PSMD14: variants seen among roughly 807,000 people sequenced by gnomAD.
PSMD14 encodes ubiquitin C-terminal hydrolase PSMD14.
A neutral mutation model predicts 41.2 loss-of-function variants in PSMD14; 7 were observed. The observed-to-expected ratio is 0.17, with a 90% CI of 0.10 to 0.32. The LOEUF is 0.32. PSMD14 is among the 10% of genes least tolerant of loss of function. PSMD14 has a pLI of 1.00. For missense variants in PSMD14, 139 were observed against 375.6 expected (o/e 0.37, Z 5.21); for synonymous variants, 114 against 122.3 (o/e 0.93, Z 0.45).
chr2:161,358,627 T>A (rs757776897), intron 3 of PSMD14, among the ~76,000 whole-genome samples: 41 of 152,104 alleles, frequency 2.7e-4, no homozygotes, highest in Non-Finnish European at 4.7e-4. Flanking sequence ...GACTCATACG[T>A]TTTTCTCCTT....
At chr2:161,325,059 C>T (rs560429749) in intron 3 of PSMD14, among the ~76,000 whole-genome samples, 4 of 152,200 alleles carry the variant, frequency 2.6e-5, no homozygotes, top group African/African-American at 9.6e-5. Context: ...TGATTTCACA[C>T]TGTGAAATTC....
chr2:161,311,115 A>G (rs1314576866), intron 1 of PSMD14, among the ~76,000 whole-genome samples: 1 of 152,228 alleles, frequency 6.6e-6, no homozygotes, highest in African/African-American at 2.4e-5. Context: ...AGTCTGGCCA[A>G]CATGGCGAAA....
At chr2:161,310,666 C>T (rs1020086581) in intron 1 of PSMD14, among the ~76,000 whole-genome samples, 4 of 152,124 alleles carry the variant, frequency 2.6e-5, no homozygotes, top group Admixed American at 2.6e-4. Context: ...CTATAAATTG[C>T]TTTGGACGTA....
At chr2:161,359,650 G>A (rs180822753) in intron 3 of PSMD14, among the ~76,000 whole-genome samples, 39 of 152,242 alleles carry the variant, frequency 2.6e-4, no homozygotes, top group African/African-American at 8.9e-4. Flanking sequence ...TCTGTTCTCA[G>A]TGAGCATACT....
intron 3 of PSMD14, among the ~76,000 whole-genome samples, chr2:161,346,171 C>G (rs1485253730): frequency 6.6e-6 from 1 of 152,238 alleles, no homozygotes; most frequent in Non-Finnish European, 1.5e-5. Context: ...GCGTGAGCCA[C>G]CGTGCTCGGC....
At chr2:161,398,222 C>T (rs563607860) in intron 10 of PSMD14, among the ~76,000 whole-genome samples, 15 of 152,132 alleles carry the variant, frequency 9.9e-5, no homozygotes, top group South Asian at 6.2e-4. Context: ...GAAAGAAATA[C>T]GGTGGGTTTT....
At chr2:161,318,686 C>A in intron 2 of PSMD14, 136 bp from the exon 3 acceptor site, 1 of 665,720 alleles carries the variant, frequency 1.5e-6, no homozygotes, top group Admixed American at 2.7e-5. Context: ...TGTTAATTAA[C>A]AGGAAGTCTG....
chr2:161,329,103 C>A (rs1682749449), intron 3 of PSMD14, among the ~76,000 whole-genome samples: 1 of 152,008 alleles, frequency 6.6e-6, no homozygotes, highest in Admixed American at 6.5e-5. Context: ...GTAGAAAATT[C>A]TCTTCTGAGT....
At chr2:161,372,566 T>C (rs1469598687) in intron 7 of PSMD14, among the ~76,000 whole-genome samples, 1 of 152,030 alleles carries the variant, frequency 6.6e-6, no homozygotes, top group Non-Finnish European at 1.5e-5. Flanking sequence ...GAAACTGATA[T>C]ACTAGACCAT....
intron 10 of PSMD14, among the ~76,000 whole-genome samples, chr2:161,401,271 A>G (rs1683874603): frequency 6.6e-6 from 1 of 152,254 alleles, no homozygotes. Flanking sequence ...TGTTTATATT[A>G]TCAGTAAGGC....
At chr2:161,339,389 A>G (rs1186387314) in intron 3 of PSMD14, among the ~76,000 whole-genome samples, 2 of 151,832 alleles carry the variant, frequency 1.3e-5, no homozygotes, top group East Asian at 3.8e-4. Flanking sequence ...TGGATGACTG[A>G]TGATGGTGAG....
intron 7 of PSMD14, chr2:161,383,120 A>G (rs1207823576): frequency 6.6e-6 from 1 of 151,912 alleles, no homozygotes; most frequent in Non-Finnish European, 1.5e-5. Context: ...CTGGACATTA[A>G]TGAGTCTATT....
intron 3 of PSMD14, among the ~76,000 whole-genome samples, chr2:161,337,513 C>T (rs2105239688): frequency 6.6e-6 from 1 of 152,294 alleles, no homozygotes; most frequent in Admixed American, 6.5e-5. Context: ...AAACCTCAGA[C>T]TTGGTCTTTC....
intron 3 of PSMD14, among the ~76,000 whole-genome samples, chr2:161,353,919 T>C (rs1354516276): frequency 6.6e-6 from 1 of 152,228 alleles, no homozygotes; most frequent in African/African-American, 2.4e-5. Context: ...AGTTAATGAA[T>C]TATGAATTAT....
intron 3 of PSMD14, among the ~76,000 whole-genome samples, chr2:161,357,837 G>A (rs554638087): frequency 6.6e-6 from 1 of 150,912 alleles, no homozygotes; most frequent in East Asian, 1.9e-4. Context: ...ATTCTAATAG[G>A]TATTATTAAA....
intron 3 of PSMD14, among the ~76,000 whole-genome samples, chr2:161,335,687 C>T (rs1042144551): frequency 2.6e-5 from 4 of 152,302 alleles, no homozygotes; most frequent in Admixed American, 2.0e-4. Context: ...GTAAATATCT[C>T]ATTGAAGACG....
At chr2:161,347,667 T>C (rs1683063316) in intron 3 of PSMD14, among the ~76,000 whole-genome samples, 1 of 152,210 alleles carries the variant, frequency 6.6e-6, no homozygotes, top group Non-Finnish European at 1.5e-5. Context: ...ATACTTAAAA[T>C]TGAATATGTA....
chr2:161,389,889 G>GTTGTGTTTTTTTTTTTTTTTTTTTT, intron 8 of PSMD14, among the ~76,000 whole-genome samples: 1 of 20,042 alleles, frequency 5.0e-5, no homozygotes, highest in Non-Finnish European at 1.0e-4. Context: ...CTTTTTTGTT[G>GTTGTGTTTTTTTTTTTTTTTTTTTT]TTTTTTTTTT....
In PSMD14 at chr2:161,363,573, C is replaced by A. The variant is rs116860929; in HGVS notation, c.49-3905C>A. Among the ~76,000 whole-genome samples, 16 of 152,192 alleles carry A rather than the reference C, an allele frequency of 1.1e-4. No individual in the cohort carries two copies. In the East Asian group the frequency reaches 2.9e-3, roughly 28 times the overall value. On this transcript the variant is annotated intron_variant, in intron 3 of 11. Coordinates refer to ENST00000409682, the MANE Select transcript of PSMD14 (RefSeq NM_005805.6). ...GTTCATGATTCCTATATTTAGGTGACTTTCTTTTTGAATCACCAGAATACT... is the reference window on the plus strand; with the variant it reads ...GTTCATGATTCCTATATTTAGGTGAATTTCTTTTTGAATCACCAGAATACT...
Sources: gnomAD v4.1 joint callset for allele counts (sites outside exome capture counted in the v4.1 genomes callset) on GRCh38, gnomAD v4.1.1 for gene constraint, MANE v1.5 for transcripts, NCBI Gene and HGNC (gene_info 2026-07-23, HGNC 2026-07-21) for gene names.